Variants in PRRC2A observed in about 807,000 individuals in gnomAD.
PRRC2A encodes the protein proline rich coiled-coil 2A, also known as protein PRRC2A.
A neutral mutation model predicts 224.6 loss-of-function variants in PRRC2A; 59 were observed. The observed-to-expected ratio is 0.26, with a 90% CI of 0.21 to 0.33. PRRC2A has a LOEUF of 0.33. Among genes scored for constraint, PRRC2A ranks in the 10% least tolerant of loss-of-function variants. PRRC2A has a pLI of 1.00. For synonymous variants in PRRC2A, 1,194 were observed against 1,109.5 expected, an observed-to-expected ratio of 1.08 and a Z score of -1.51; for missense variants, 3,095 against 2,880.7, an observed-to-expected ratio of 1.07 and a Z score of -1.70.
In PRRC2A at chr6:31,632,544, A is replaced by C. The variant is rs1340030279; in HGVS notation, c.3871A>C (p.Thr1291Pro). ...CGCTCCTGGACCTGAGGAGGCCCTCACAACAGTCACAGTGGCCCCAGCACC... is the reference window on the plus strand; with the variant it reads ...CGCTCCTGGACCTGAGGAGGCCCTCCCAACAGTCACAGTGGCCCCAGCACC... ...ASAPGPEEALTTVTVAPAPRR... is the reference protein window; with the variant it reads ...ASAPGPEEALPTVTVAPAPRR... Residue 1291 changes from threonine (T) to proline (P), a missense_variant, in exon 16 of 31, where the codon ACA becomes CCA. By Grantham distance (38) the Thr-to-Pro change is conservative. Coordinates refer to ENST00000376033, the MANE Select transcript of PRRC2A (RefSeq NM_004638.4). 6.2e-7 allele frequency: 1 copy of C among 1,611,168 alleles called. No individual in the cohort carries two copies. Among genetic ancestry groups the C allele is most frequent in the Non-Finnish European group, 8.5e-7 (1 of 1,178,890 alleles).
Position 31,631,249 on chromosome 6 carries a change from C to T in PRRC2A, c.2576C>T (p.Pro859Leu), listed in dbSNP as rs745457180. 6 of 1,612,234 alleles carry T rather than the reference C, an allele frequency of 3.7e-6. No individual in the cohort carries two copies. The highest frequency in any genetic ancestry group is 3.3e-5 in the South Asian group (3 of 90,986). The change falls in exon 16 of 31, where the codon CCA (proline) becomes CTA (leucine). Residue 859 changes from proline to leucine, a missense_variant. Pro to Leu is a moderately conservative substitution (Grantham distance 98). Around this residue, in one of 8 missense-constraint regions of PRRC2A, gnomAD observed 2,001 missense variants for 1,764.9 expected, o/e 1.13. Coordinates refer to ENST00000376033, the MANE Select transcript of PRRC2A (RefSeq NM_004638.4). This position sits in a 1 kb window ranked among gnomAD's most constrained non-coding sequence, Gnocchi z 4.5. The stretch of plus-strand genomic sequence containing the variant: ...ATCTCTCGCTTTCCTCTGGAGGAAC[C>T]AGGGCCCCGTCCACTCCCCTGGCCC... ...PPISRFPLEEPGPRPLPWPPG... is the reference protein window; with the variant it reads ...PPISRFPLEELGPRPLPWPPG...
chr6:31,627,594 CGTG>C lies in PRRC2A; in HGVS notation c.1291-168_1291-166del, dbSNP rs1776056006. Among the ~76,000 whole-genome samples, 1 of 152,206 alleles carries C rather than the reference CGTG, an allele frequency of 6.6e-6. No individual in the cohort carries two copies. Among genetic ancestry groups the C allele is most frequent in the Non-Finnish European group, 1.5e-5 (1 of 68,038 alleles). On this transcript the variant is annotated intron_variant, in intron 11 of 30. Transcript: ENST00000376033. The surrounding 1 kb of genome is among the most constrained non-coding windows in gnomAD (Gnocchi z 5.6). ...GACCAGCCTGGGCAACATAGCAAGA[CGTG>C]GTCTCAAAGAAGACCAGGATAATGA...
In PRRC2A at chr6:31,629,830, G is replaced by A. The variant is rs1299879118; in HGVS notation, c.2239G>A (p.Gly747Ser). 1 of 1,613,948 alleles carries A rather than the reference G, an allele frequency of 6.2e-7. No homozygotes were observed. The highest frequency in any genetic ancestry group is 8.5e-7 in the Non-Finnish European group (1 of 1,179,910). ...GRPPLDFYPP[G>S]VHPSGLVPRE... ...TCCCCCTCTAGACTTCTACCCTCCT[G>A]GTGTGCATCCCTCTGGTAAGGGGGC... The change falls in exon 14 of 31, where the codon GGT (glycine) becomes AGT (serine). Residue 747 changes from glycine to serine, a missense_variant. Gly to Ser is a moderately conservative substitution (Grantham distance 56). Transcript: ENST00000376033.
chr6:31,629,355 C>G, intron 13 of PRRC2A, 21 bp downstream of exon 13: 2 of 1,538,400 alleles, frequency 1.3e-6, no homozygotes, highest in Non-Finnish European at 1.7e-6. Context: ...GTTGTTTACC[C>G]TCTAAGGGCT....
chr6:31,626,038 G>C lies in PRRC2A; in HGVS notation c.858G>C (p.Ala286=), dbSNP rs147717718. ...TGTACAGCCGTTTTCCCCGTGTGGC[G>C]GGCCCCCGAGGCTCAGGGCCACCAA... The part of the protein sequence containing the change: ...PDGPSRFPRV[A]GPRGSGPPMR... The change falls in exon 9 of 31, where the codon GCG becomes GCC. Residue 286 remains alanine (A), a synonymous_variant. Coordinates refer to ENST00000376033, the MANE Select transcript of PRRC2A (RefSeq NM_004638.4). 2,034 of 1,605,592 alleles carry C rather than the reference G, an allele frequency of 1.3e-3. 4 individuals are homozygous for C. The highest frequency in any genetic ancestry group is 1.6e-3 in the Non-Finnish European group (1,884 of 1,176,708).
rs1231401760 is a variant in PRRC2A, at chr6:31,622,801, C to T, written c.12C>T (p.Arg4=). MSD[R]SGPTAKGKDG... ...GAGCTTCCAGCGCAATGTCCGATCG[C>T]TCGGGGCCGACTGCCAAGGGAAAGG... is the stretch of plus-strand genomic sequence containing the variant. The change falls in exon 2 of 31, where the codon CGC becomes CGT. Residue 4 remains arginine, a synonymous_variant. Transcript: ENST00000376033. The T allele has an allele frequency of 1.9e-6, 3 of 1,613,614 alleles. No individual in the cohort carries two copies. The highest frequency in any genetic ancestry group is 2.5e-6 in the Non-Finnish European group (3 of 1,179,940).
chr6:31,628,083 G>A lies in PRRC2A; in HGVS notation c.1609G>A (p.Ala537Thr). The A allele has an allele frequency of 6.2e-7, 1 of 1,613,020 alleles. No homozygotes were observed. The highest frequency in any genetic ancestry group is 8.5e-7 in the Non-Finnish European group (1 of 1,179,944). Residue 537 changes from alanine (A) to threonine (T), a missense_variant, in exon 12 of 31, where the codon GCA (alanine) becomes ACA (threonine). Transcript: ENST00000376033. The part of the protein sequence containing the change: ...ELPAPPAPPP[A>T]SAPTPETEPE... ...CCCTGCACCTCCAGCTCCACCTCCA[G>A]CATCAGCCCCAACACCAGAGACAGA...
Position 31,632,325 on chromosome 6 carries a change from C to T in PRRC2A, c.3652C>T (p.Leu1218=). 2 of 1,613,442 alleles carry T rather than the reference C, an allele frequency of 1.2e-6. No individual in the cohort carries two copies. The highest frequency in any genetic ancestry group is 8.5e-7 in the Non-Finnish European group (1 of 1,180,018). ...GAAAGAGAAGTTGATCCCAGGGCCT[C>T]TGTCCCCTGTGGCGCGCGGAGGCAG... The part of the protein sequence containing the change: ...PLKEKLIPGP[L]SPVARGGSNG... Residue 1218 remains leucine (L), a synonymous_variant, in exon 16 of 31, where the codon CTG becomes TTG. Coordinates refer to ENST00000376033, the MANE Select transcript of PRRC2A (RefSeq NM_004638.4).
chr6:31,621,518 A>G (rs79575605), intron 1 of PRRC2A, among the ~76,000 whole-genome samples: 1 of 143,434 alleles, frequency 7.0e-6, no homozygotes, highest in East Asian at 2.0e-4. Flanking sequence ...GTTTCCATAT[A>G]TTTTCCACCT....
intron 14 of PRRC2A, 75 bp from the exon 15 acceptor site, chr6:31,630,516 G>C (rs2736161): frequency 6.6e-7 from 1 of 1,506,854 alleles, no homozygotes; most frequent in Admixed American, 1.7e-5. Context: ...ACTTGACCGC[G>C]AGGGGAGATG....
At chr6:31,633,140 A>C in intron 16 of PRRC2A, 148 bp downstream of exon 16, 1 of 1,245,708 alleles carries the variant, frequency 8.0e-7, no homozygotes, top group East Asian at 2.6e-5. Flanking sequence ...TGTCTGGCTA[A>C]GGCAACTGGA....
Position 31,626,845 on chromosome 6 carries a change from G to A in PRRC2A, c.1056G>A (p.Glu352=), listed in dbSNP as rs1274548943. The part of the protein sequence containing the change: ...SDEEDGRDSD[E]EGAEGHRDSQ... ...AGGAAGATGGGCGAGACTCTGATGA[G>A]GAGGGTGCTGAGGGCCAGTGAGTTA... Residue 352 remains glutamate (E), a synonymous_variant, in exon 10 of 31, where the codon GAG becomes GAA. Coordinates refer to ENST00000376033, the MANE Select transcript of PRRC2A (RefSeq NM_004638.4). The A allele has an allele frequency of 6.2e-7, 1 of 1,607,992 alleles. No individual in the cohort carries two copies. Among genetic ancestry groups the A allele is most frequent in the Admixed American group, 1.7e-5 (1 of 58,750 alleles).
chr6:31,623,692 CAT>C (rs754933428), intron 2 of PRRC2A, 38 bp from the exon 3 acceptor site: 1 of 1,604,664 alleles, frequency 6.2e-7, no homozygotes, highest in African/African-American at 1.3e-5. Flanking sequence ...AGATCTCCCA[CAT>C]GAGGCATTTT....
Position 31,636,321 on chromosome 6 carries a change from G to A in PRRC2A, c.5737G>A (p.Gly1913Arg), listed in dbSNP as rs748795581. 1 of 1,613,016 alleles carries A rather than the reference G, an allele frequency of 6.2e-7. No homozygotes were observed. The highest frequency in any genetic ancestry group is 1.7e-5 in the Admixed American group (1 of 60,026). Reference protein sequence around the residue: ...DFSTMQATELGKLPAGGVLYP... With the variant: ...DFSTMQATELRKLPAGGVLYP... ...CTCCACAATGCAAGCTACAGAGCTGGGGAAGTTGCCGGCTGGAGGAGTTCT... is the reference window on the plus strand; with the variant it reads ...CTCCACAATGCAAGCTACAGAGCTGAGGAAGTTGCCGGCTGGAGGAGTTCT... Residue 1913 changes from glycine (G) to arginine (R), a missense_variant, in exon 26 of 31, where the codon GGG becomes AGG. Gly to Arg is a moderately radical substitution (Grantham distance 125). Around this residue, in one of 8 missense-constraint regions of PRRC2A, gnomAD observed 662 missense variants for 609.5 expected, o/e 1.09. Transcript: ENST00000376033. The surrounding 1 kb of genome is among the most constrained non-coding windows in gnomAD (Gnocchi z 4.3).
At chr6:31,634,731 GC>G (rs763568555) in intron 20 of PRRC2A, 21 bp from the exon 21 acceptor site, 83 of 1,607,850 alleles carry the variant, frequency 5.2e-5, no homozygotes, top group Non-Finnish European at 6.6e-5. Context: ...GACTTAACTA[GC>G]TCCTTCTCCA....
At chr6:31,623,554 C>T (rs1353825391) in intron 2 of PRRC2A, among the ~76,000 whole-genome samples, 178 bp from the exon 3 acceptor site, 3 of 152,124 alleles carry the variant, frequency 2.0e-5, no homozygotes, top group African/African-American at 4.8e-5. Flanking sequence ...AAGTGTGAGC[C>T]ACCACAATCA....
rs868338921 is a variant in PRRC2A, at chr6:31,632,573, C to T, written c.3900C>T (p.Arg1300=). The T allele has an allele frequency of 3.7e-6, 6 of 1,612,656 alleles. No homozygotes were observed. The Middle Eastern group carries it at 6.6e-4, about 177-fold the overall frequency. Residue 1300 remains arginine, a synonymous_variant, in exon 16 of 31, where the codon CGC becomes CGT. Coordinates refer to ENST00000376033, the MANE Select transcript of PRRC2A (RefSeq NM_004638.4). ...CAGTCACAGTGGCCCCAGCACCTCGCCGGGCAGCTGCCAAGTCTCCTGATC... is the reference window on the plus strand; with the variant it reads ...CAGTCACAGTGGCCCCAGCACCTCGTCGGGCAGCTGCCAAGTCTCCTGATC... ...LTTVTVAPAP[R]RAAAKSPDLS...
rs1049424199 is a variant in PRRC2A at position 31,634,871 on chromosome 6, A to C, written c.5054A>C (p.Lys1685Thr). ...GLKGAAEGPP[K>T]RPGGSSPLNA... ...AAGGGGGCAGCAGAGGGACCCCCCAAGAGGCCTGGAGGCTCCTCACCCCTG... is the reference window on the plus strand; with the variant it reads ...AAGGGGGCAGCAGAGGGACCCCCCACGAGGCCTGGAGGCTCCTCACCCCTG... The change falls in exon 21 of 31, where the codon AAG becomes ACG. Residue 1685 changes from lysine (K) to threonine (T), a missense_variant. Physicochemically the swap from Lys to Thr is moderately conservative, Grantham distance 78. Around this residue, in one of 8 missense-constraint regions of PRRC2A, gnomAD observed 662 missense variants for 609.5 expected, o/e 1.09. Transcript: ENST00000376033. 12 of 1,612,994 alleles carry C rather than the reference A, an allele frequency of 7.4e-6. No individual in the cohort carries two copies. Among genetic ancestry groups the C allele is most frequent in the Non-Finnish European group, 1.0e-5 (12 of 1,179,996 alleles).
Position 31,637,448 on chromosome 6 carries a change from C to G in PRRC2A, c.6336C>G (p.Ala2112=), listed in dbSNP as rs772834510. Residue 2112 remains alanine, a splice_region_variant and synonymous_variant, in exon 31 of 31, where the codon GCC becomes GCG. Transcript: ENST00000376033. ...RTQRVDLYQQ[A]SPPDALRWIP... ...TTTAACACATGCCTGTCCCCTAGGC[C>G]TCCCCACCAGATGCCCTGCGCTGGA... 6.3e-7 allele frequency: 1 copy of G among 1,580,692 alleles called. No individual in the cohort carries two copies. Among genetic ancestry groups the G allele is most frequent in the African/African-American group, 1.3e-5 (1 of 74,228 alleles).
Sources: gnomAD v4.1 joint callset for allele counts (sites outside exome capture counted in the v4.1 genomes callset) on GRCh38, gnomAD v4.1.1 for gene constraint, gnomAD v4.1.1 regional missense constraint, Gnocchi (gnomAD v3.1) non-coding constraint, MANE v1.5 for transcripts, NCBI Gene and HGNC (gene_info 2026-07-23, HGNC 2026-07-21) for gene names.